Variants in LRRC4C observed in about 807,000 individuals in gnomAD.
The protein encoded by LRRC4C is leucine rich repeat containing 4C, also known as leucine-rich repeat-containing protein 4C.
Under a neutral mutation model 33.6 loss-of-function variants are expected in LRRC4C, and 5 were observed. That is an observed-to-expected ratio of 0.15 (90% CI 0.08 to 0.31). The LOEUF is 0.31. Ranked by LOEUF, LRRC4C falls within the 10% of genes least tolerant of loss-of-function variation. The pLI is 1.00. For synonymous variants in LRRC4C, 329 were observed against 302.0 expected (o/e 1.09, Z -0.93); for missense variants, 560 against 796.7 (o/e 0.70, Z 3.58).
intron 3 of LRRC4C, among the ~76,000 whole-genome samples, chr11:40,578,140 GGTTTTTTTTTTTT>G (rs770863804): frequency 0.33 from 13,534 of 40,498 alleles, 3,644 homozygotes; most frequent in East Asian, 0.62. Context: ...TTTTTTTTTC[GGTTTTTTTTTTTT>G]TTTTTTTTTT....
rs11036321 is a variant in LRRC4C at position 41,257,304 on chromosome 11, A to G, written c.-496+202127T>C. ...GTGAAAGACAAGAAATATACTATAA[A>G]AAGTTGGAGTTGTGGTTAAAAAGAA... On this transcript the variant is annotated intron_variant, in intron 1 of 6. Transcript: ENST00000528697. Among the ~76,000 whole-genome samples the G allele has an allele frequency of 9.1e-3, 1,391 of 152,184 alleles. 11 individuals carry two copies. Among genetic ancestry groups the G allele is most frequent in the Admixed American group, 0.013 (204 of 15,250 alleles).
chr11:41,153,488 A>C (rs1381750136), intron 1 of LRRC4C, among the ~76,000 whole-genome samples: 2 of 152,188 alleles, frequency 1.3e-5, no homozygotes, highest in East Asian at 3.9e-4. Flanking sequence ...AGTAACCTCA[A>C]ATATTAAGTA....
intron 1 of LRRC4C, among the ~76,000 whole-genome samples, chr11:41,138,791 A>T (rs577134313): frequency 6.6e-6 from 1 of 152,308 alleles, no homozygotes; most frequent in East Asian, 1.9e-4. Context: ...CAGCACTTTT[A>T]ATCTATAAAA....
At chr11:40,470,450 G>A (rs4332514) in intron 3 of LRRC4C, among the ~76,000 whole-genome samples, 77,721 of 151,998 alleles carry the variant, frequency 0.51, 20,131 homozygotes, top group East Asian at 0.72. Flanking sequence ...AAAAGGCTGA[G>A]AATTCCAAAA....
chr11:40,930,371 A>C (rs993206009), intron 2 of LRRC4C, among the ~76,000 whole-genome samples: 5 of 152,198 alleles, frequency 3.3e-5, no homozygotes, highest in African/African-American at 1.2e-4. Flanking sequence ...TCTAGCCTTT[A>C]CAGGTCAACT....
intron 3 of LRRC4C, among the ~76,000 whole-genome samples, chr11:40,627,272 A>AGC (rs148093191): frequency 0.55 from 59,286 of 107,988 alleles, 12,311 homozygotes; most frequent in Middle Eastern, 0.65. Context: ...AGAGAGAGAG[A>AGC]GAGCGAGAGA....
At chr11:41,024,277 C>T (rs752456961) in intron 1 of LRRC4C, among the ~76,000 whole-genome samples, 6 of 151,754 alleles carry the variant, frequency 4.0e-5, no homozygotes, top group African/African-American at 7.2e-5. Context: ...ACAGTAGCTA[C>T]GCAGCTCAAC....
intron 2 of LRRC4C, among the ~76,000 whole-genome samples, chr11:40,855,836 G>GAACC (rs1565138206): frequency 6.6e-6 from 1 of 151,842 alleles, no homozygotes; most frequent in African/African-American, 2.4e-5. Context: ...ATGAATGAGA[G>GAACC]AACCCCAAAC....
intron 3 of LRRC4C, among the ~76,000 whole-genome samples, chr11:40,363,360 C>G (rs1948052948): frequency 1.3e-5 from 2 of 151,966 alleles, no homozygotes; most frequent in Non-Finnish European, 2.9e-5. Context: ...GATGAGAACA[C>G]ATTATATGAA....
chr11:41,390,771 A>T (rs1953558830), intron 1 of LRRC4C, among the ~76,000 whole-genome samples: 1 of 151,744 alleles, frequency 6.6e-6, no homozygotes, highest in South Asian at 2.1e-4. Context: ...ACTATGAGAA[A>T]ATCTTTCTTT....
chr11:40,946,999 T>G (rs2136663254), intron 1 of LRRC4C, among the ~76,000 whole-genome samples: 1 of 152,226 alleles, frequency 6.6e-6, no homozygotes, highest in Non-Finnish European at 1.5e-5. Context: ...AAATTAAACA[T>G]AATTGCCCCT....
At chr11:41,411,140 C>CTTTTTTTTTTTTTTTTTTTTTTTTTT (rs1249968357) in intron 1 of LRRC4C, among the ~76,000 whole-genome samples, 5 of 49,906 alleles carry the variant, frequency 1.0e-4, no homozygotes, top group Admixed American at 3.3e-4. Flanking sequence ...GGTTGGTACC[C>CTTTTTTTTTTTTTTTTTTTTTTTTTT]TATTTTTTTT....
intron 1 of LRRC4C, among the ~76,000 whole-genome samples, chr11:40,940,793 G>C (rs1052010958): frequency 3.3e-5 from 5 of 151,910 alleles, no homozygotes; most frequent in African/African-American, 1.2e-4. Flanking sequence ...TCAAAAATCA[G>C]GTAAATCTGG....
chr11:40,522,222 G>T (rs1329908938), intron 3 of LRRC4C, among the ~76,000 whole-genome samples: 1 of 152,164 alleles, frequency 6.6e-6, no homozygotes, highest in Non-Finnish European at 1.5e-5. Flanking sequence ...TAGAGACGAG[G>T]TCTTGCCATG....
chr11:40,497,327 C>G (rs1006059560), intron 3 of LRRC4C, among the ~76,000 whole-genome samples: 1 of 151,908 alleles, frequency 6.6e-6, no homozygotes, highest in African/African-American at 2.4e-5. Context: ...TCGCTTGAAT[C>G]TGGGAGGCGG....
At chr11:40,633,325 T>C (rs183163721) in intron 3 of LRRC4C, among the ~76,000 whole-genome samples, 65 of 112,252 alleles carry the variant, frequency 5.8e-4, no homozygotes, top group African/African-American at 1.9e-3. Flanking sequence ...CAAGTTTTCT[T>C]TTTCTTTCTT....
intron 5 of LRRC4C, among the ~76,000 whole-genome samples, chr11:40,166,395 C>T (rs1163727675): frequency 1.3e-5 from 2 of 151,898 alleles, no homozygotes; most frequent in Non-Finnish European, 2.9e-5. Context: ...AACCAGCAAA[C>T]ATGATCTTAA....
intron 2 of LRRC4C, among the ~76,000 whole-genome samples, chr11:40,662,725 G>T (rs572228478): frequency 6.6e-6 from 1 of 152,188 alleles, no homozygotes; most frequent in African/African-American, 2.4e-5. Flanking sequence ...TCAAATCCTA[G>T]TTCTGTCATT....
At chr11:40,480,107 A>G (rs1269323364) in intron 3 of LRRC4C, among the ~76,000 whole-genome samples, 1 of 152,178 alleles carries the variant, frequency 6.6e-6, no homozygotes, top group Non-Finnish European at 1.5e-5. Flanking sequence ...GCCACCCTCC[A>G]TAAAACAGAG....
Sources: gnomAD v4.1 joint callset for allele counts (sites outside exome capture counted in the v4.1 genomes callset) on GRCh38, gnomAD v4.1.1 for gene constraint, MANE v1.5 for transcripts, NCBI Gene and HGNC (gene_info 2026-07-23, HGNC 2026-07-21) for gene names.